SCFD1: variants seen among roughly 807,000 people sequenced by gnomAD.
SCFD1 encodes the protein sec1 family domain containing 1.
In SCFD1, 37 loss-of-function variants were observed where a neutral mutation model predicts 103.2. The ratio of observed to expected loss-of-function variants is 0.36; its 90% CI spans 0.28 to 0.47. SCFD1 has a LOEUF of 0.47. Ranked by LOEUF, SCFD1 falls within the 20% of genes least tolerant of loss-of-function variation. The probability of loss-of-function intolerance (pLI) is 1.00; values close to 1 mark genes in which losing one functional copy is unlikely to be tolerated. For missense variants in SCFD1, 639 were observed against 761.2 expected, an observed-to-expected ratio of 0.84 and a Z score of 1.89; for synonymous variants, 264 against 245.0, an observed-to-expected ratio of 1.08 and a Z score of -0.73.
rs229162 is a variant in SCFD1 at position 30,638,358 on chromosome 14, T to G, written c.435+111T>G. The G allele has an allele frequency of 0.38, 557,226 of 1,470,098 alleles. 115,822 individuals are homozygous for G. The highest frequency in any genetic ancestry group is 0.8 in the African/African-American group (56,023 of 70,398). 91.1% of individuals were successfully genotyped at this position (1,470,098 alleles called of 1,614,324 possible). Reference sequence around the variant, plus strand: ...TTGACAGATGACCAGAACAACAGAATTGTTTAGGCTCAATACTTTTATAAA... The same window carrying G: ...TTGACAGATGACCAGAACAACAGAAGTGTTTAGGCTCAATACTTTTATAAA... On this transcript the variant is annotated intron_variant, in intron 5 of 24. Coordinates refer to ENST00000458591, the MANE Select transcript of SCFD1 (RefSeq NM_016106.4).
intron 10 of SCFD1, among the ~76,000 whole-genome samples, chr14:30,667,592 A>G (rs1404797262): frequency 1.3e-5 from 2 of 152,182 alleles, no homozygotes; most frequent in East Asian, 1.9e-4. Context: ...AGGGTATTCA[A>G]TTAGGAAAAG....
intron 10 of SCFD1, among the ~76,000 whole-genome samples, chr14:30,659,810 A>G (rs1308066179): frequency 6.6e-6 from 1 of 152,156 alleles, no homozygotes; most frequent in Non-Finnish European, 1.5e-5. Context: ...CTTGTCCAGT[A>G]TGGATGAGCA....
At chr14:30,683,782 T>C (rs1265916304) in intron 14 of SCFD1, among the ~76,000 whole-genome samples, 1 of 152,180 alleles carries the variant, frequency 6.6e-6, no homozygotes, top group Non-Finnish European at 1.5e-5. Flanking sequence ...CTGTACCTCC[T>C]GAGAAGTAGG....
intron 14 of SCFD1, chr14:30,683,283 A>C: frequency 1.1e-6 from 1 of 918,744 alleles, no homozygotes; most frequent in Non-Finnish European, 1.6e-6. Context: ...GGGTGTCCAC[A>C]CTGGGATAGT....
At chr14:30,729,848 T>G (rs1011188858) in intron 23 of SCFD1, among the ~76,000 whole-genome samples, 1 of 151,564 alleles carries the variant, frequency 6.6e-6, no homozygotes, top group Non-Finnish European at 1.5e-5. Context: ...CAGAGTATAT[T>G]TTTATGCTGT....
At chr14:30,681,220 C>CA (rs34998524) in intron 14 of SCFD1, among the ~76,000 whole-genome samples, 37,242 of 97,998 alleles carry the variant, frequency 0.38, 5,142 homozygotes, top group East Asian at 0.64. Flanking sequence ...GACTCTGTCT[C>CA]AAAAAAAAAA....
intron 20 of SCFD1, among the ~76,000 whole-genome samples, chr14:30,718,135 TAG>T (rs1173116459): frequency 2.1e-4 from 32 of 152,254 alleles, no homozygotes; most frequent in African/African-American, 7.2e-4. Context: ...ATCCCAGAAC[TAG>T]AGAGTTAAAG....
rs1016186598 is a variant in SCFD1, at chr14:30,641,709, T to C, written c.524-1607T>C. On this transcript the variant is annotated intron_variant, in intron 6 of 24. Transcript: ENST00000458591. ...CTGAGTAATGGCCCATTTCCTTCTT[T>C]TAGATTCTGTGTTGCCTGATTGAAT... Among the ~76,000 whole-genome samples, 6 of 152,160 alleles carry C rather than the reference T, an allele frequency of 3.9e-5. No homozygotes were observed. The East Asian group carries it at 1.2e-3, about 29-fold the overall frequency.
Position 30,724,072 on chromosome 14 carries a change from T to TAAAAA in SCFD1, c.1836+1533_1836+1537dup, listed in dbSNP as rs59654790. ...TTTCTCCAAAACCTCACCAGTATCT[T>TAAAAA]AAAAAAAAAAAAAAAAAAAAAAAAG... On this transcript the variant is annotated intron_variant, in intron 23 of 24. Transcript: ENST00000458591. Among the ~76,000 whole-genome samples, 122 of 91,350 alleles carry TAAAAA rather than the reference T, an allele frequency of 1.3e-3. 1 individual carries two copies. Among genetic ancestry groups the TAAAAA allele is most frequent in the African/African-American group, 6.1e-3 (120 of 19,806 alleles). The allele number at this position is 91,350 out of a possible 152,430, so 59.9% of individuals were successfully genotyped here. A position where few individuals can be genotyped will look rare whatever the true frequency, so the allele number is the denominator to read the frequency against.
rs529904631 is a variant in SCFD1, at chr14:30,635,187, A to G, written c.312+1150A>G. 5.3e-5 allele frequency among the ~76,000 whole-genome samples: 8 copies of G among 152,310 alleles called. No homozygotes were observed. In the South Asian group the frequency reaches 8.3e-4, roughly 16 times the overall value. The stretch of plus-strand genomic sequence containing the variant: ...TCTTTTACCCTGCGTAAACTCAAGT[A>G]TGCTATTCATGAAAGAGGTACCACT... On this transcript the variant is annotated intron_variant, in intron 4 of 24. Coordinates refer to ENST00000458591, the MANE Select transcript of SCFD1 (RefSeq NM_016106.4).
Position 30,638,172 on chromosome 14 carries a change from T to C in SCFD1, c.360T>C (p.Ser120=). The part of the protein sequence containing the change: ...LYESYYLNFI[S]AISRSKLEDI... ...AATCATATTATTTAAATTTTATTTC[T>C]GCTATTTCAAGAAGTAAACTGGAAG... The change falls in exon 5 of 25, where the codon TCT becomes TCC. Residue 120 remains serine, a synonymous_variant. Transcript: ENST00000458591. 1 of 1,612,286 alleles carries C rather than the reference T, an allele frequency of 6.2e-7. No homozygotes were observed. Among genetic ancestry groups the C allele is most frequent in the Non-Finnish European group, 8.5e-7 (1 of 1,179,190 alleles).
chr14:30,724,013 G>A (rs1594767474), intron 23 of SCFD1, among the ~76,000 whole-genome samples: 3 of 41,634 alleles, frequency 7.2e-5, no homozygotes, highest in Admixed American at 3.5e-4. Context: ...TACTCCCATC[G>A]TGTTCCAAAA....
chr14:30,731,373 T>A (rs966888088), intron 23 of SCFD1, among the ~76,000 whole-genome samples: 1 of 152,208 alleles, frequency 6.6e-6, no homozygotes, highest in Non-Finnish European at 1.5e-5. Flanking sequence ...AGTAGTTTTT[T>A]CCAATTCTGT....
intron 4 of SCFD1, chr14:30,634,937 A>G (rs1416545156): frequency 4.4e-6 from 2 of 455,956 alleles, no homozygotes; most frequent in Non-Finnish European, 8.8e-6. Context: ...ATCAGTTACA[A>G]GGGTGGCTGC....
At chr14:30,634,639 A>G (rs1342004608) in intron 4 of SCFD1, among the ~76,000 whole-genome samples, 3 of 152,152 alleles carry the variant, frequency 2.0e-5, no homozygotes, top group Admixed American at 2.0e-4. Flanking sequence ...TCTAACTTAT[A>G]TAGGGTTTTC....
At chr14:30,671,543 A>G (rs1888541537) in intron 11 of SCFD1, among the ~76,000 whole-genome samples, 1 of 152,168 alleles carries the variant, frequency 6.6e-6, no homozygotes, top group Admixed American at 6.5e-5. Context: ...GAATTTTTTT[A>G]GAACATATGT....
At chr14:30,715,093 C>T (rs894007751) in intron 19 of SCFD1, among the ~76,000 whole-genome samples, 3 of 152,144 alleles carry the variant, frequency 2.0e-5, no homozygotes, top group Non-Finnish European at 4.4e-5. Context: ...GAACTTATCC[C>T]AGGCAAAATA....
Position 30,659,486 on chromosome 14 carries a change from T to A in SCFD1, c.855+5898T>A, listed in dbSNP as rs556875928. On this transcript the variant is annotated intron_variant, in intron 10 of 24. Transcript: ENST00000458591. The stretch of plus-strand genomic sequence containing the variant: ...GCAATTCTAAATCATAAGACCCAAA[T>A]TCTTTACTACTTTTAGAGATTGAAT... 4.6e-5 allele frequency among the ~76,000 whole-genome samples: 7 copies of A among 152,310 alleles called. 1 individual carries two copies. The South Asian group carries it at 1.4e-3, about 32-fold the overall frequency.
chr14:30,684,572 G>T (rs1425894391), intron 14 of SCFD1, among the ~76,000 whole-genome samples: 1 of 151,858 alleles, frequency 6.6e-6, no homozygotes, highest in Admixed American at 6.6e-5. Context: ...AAAAGCACTA[G>T]AATTTTTTTT....
Sources: gnomAD v4.1 joint callset for allele counts (sites outside exome capture counted in the v4.1 genomes callset) on GRCh38, gnomAD v4.1.1 for gene constraint, MANE v1.5 for transcripts, NCBI Gene and HGNC (gene_info 2026-07-23, HGNC 2026-07-21) for gene names.